The following ETV5 variants were observed in gnomAD, a reference collection of about 807,000 sequenced individuals.
The protein encoded by ETV5 is ETS variant transcription factor 5.
Under a neutral mutation model 70.0 loss-of-function variants are expected in ETV5, and 10 were observed. The ratio of observed to expected loss-of-function variants is 0.14; its 90% CI spans 0.09 to 0.24. The LOEUF (loss-of-function observed/expected upper bound fraction) is 0.24, where lower values mean the gene tolerates loss of function less well. Among genes scored for constraint, ETV5 ranks in the 10% least tolerant of loss-of-function variants. ETV5 has a pLI of 1.00. For missense variants in ETV5, 453 were observed against 651.2 expected (o/e 0.70, Z 3.31); for synonymous variants, 216 against 242.2 (o/e 0.89, Z 1.01).
At position 186,046,804 on chromosome 3, in the gene ETV5, AAG is replaced by A. The variant is rs1712890361; in HGVS notation, c.*1833_*1834del. ...TCTATGTATAGACTATGTGTAGGTT[AAG>A]AAAGCTATAAATATGGTTTAGAAAG... is the stretch of plus-strand genomic sequence containing the variant. On this transcript the variant is annotated 3_prime_UTR_variant, in exon 13 of 13. Coordinates refer to ENST00000306376, the MANE Select transcript of ETV5 (RefSeq NM_004454.3). 2 of 232,634 alleles carry A rather than the reference AAG, an allele frequency of 8.6e-6. No individual in the cohort carries two copies. Among genetic ancestry groups the A allele is most frequent in the Non-Finnish European group, 1.7e-5 (2 of 117,430 alleles). 14.4% of individuals were successfully genotyped at this position (232,634 alleles called of 1,614,324 possible). A position where few individuals can be genotyped will look rare whatever the true frequency, so the allele number is the denominator to read the frequency against.
intron 9 of ETV5, among the ~76,000 whole-genome samples, chr3:186,059,034 AAAT>A (rs1713241031): frequency 6.6e-6 from 1 of 151,478 alleles, no homozygotes; most frequent in South Asian, 2.1e-4. Flanking sequence ...AATAAAATAA[AAAT>A]AAAAAATAAA....
chr3:186,107,667 C>T (rs537480877), intron 1 of ETV5, among the ~76,000 whole-genome samples: 2 of 152,190 alleles, frequency 1.3e-5, no homozygotes, highest in Non-Finnish European at 2.9e-5. Context: ...TTTGCCCCCC[C>T]ACCACCCGCG....
At chr3:186,085,507 GTTTTT>G (rs550203729) in intron 5 of ETV5, among the ~76,000 whole-genome samples, 2 of 124,878 alleles carry the variant, frequency 1.6e-5, no homozygotes, top group Admixed American at 8.3e-5. Context: ...AGTAGCCTTC[GTTTTT>G]TTTTTTTTTT....
chr3:186,083,027 G>C (rs1560052376), intron 5 of ETV5, among the ~76,000 whole-genome samples: 1 of 152,194 alleles, frequency 6.6e-6, no homozygotes, highest in African/African-American at 2.4e-5. Flanking sequence ...GTGATTTTTT[G>C]ATGGTGACAT....
intron 1 of ETV5, chr3:186,108,510 C>A (rs1275337888): frequency 7.8e-7 from 1 of 1,287,228 alleles, no homozygotes; most frequent in African/African-American, 1.5e-5. Context: ...CTCAGACATT[C>A]CCCTCAAACT....
intron 5 of ETV5, among the ~76,000 whole-genome samples, chr3:186,082,635 G>A (rs1013355154): frequency 2.0e-5 from 3 of 152,050 alleles, no homozygotes; most frequent in African/African-American, 7.2e-5. Flanking sequence ...TGGCCAGGCT[G>A]GTCTCGAACT....
rs1352985283 is a variant in ETV5, at chr3:186,079,813, C to T, written c.650+4G>A. On this transcript the variant is annotated splice_donor_region_variant and intron_variant, in intron 7 of 12. Transcript: ENST00000306376. ...TTAAGGAAGAAGCCCAGATCAACAC[C>T]CACCTCTGTTCTGATGGATACTGGT... 2 of 1,597,220 alleles carry T rather than the reference C, an allele frequency of 1.3e-6. No individual in the cohort carries two copies. The highest frequency in any genetic ancestry group is 1.4e-5 in the African/African-American group (1 of 73,990).
intron 5 of ETV5, among the ~76,000 whole-genome samples, chr3:186,095,603 T>C (rs1326224185): frequency 1.3e-5 from 2 of 152,222 alleles, no homozygotes; most frequent in African/African-American, 4.8e-5. Context: ...ACTCAGCAAG[T>C]ACGTCAAGGG....
Position 186,105,273 on chromosome 3 carries a change from A to G in ETV5, c.232+32T>C, listed in dbSNP as rs1230937229. On this transcript the variant is annotated intron_variant, in intron 5 of 12. Coordinates refer to ENST00000306376, the MANE Select transcript of ETV5 (RefSeq NM_004454.3). This position sits in a 1 kb window ranked among gnomAD's most constrained non-coding sequence, Gnocchi z 4.5. ...ATGATCTAAGACCAAACAATTTCAG[A>G]ACAAATGTGCCATCACCAGAAAGGT... 9 of 1,594,702 alleles carry G rather than the reference A, an allele frequency of 5.6e-6. No homozygotes were observed. The highest frequency in any genetic ancestry group is 1.4e-5 in the African/African-American group (1 of 73,946).
intron 6 of ETV5, 42 bp downstream of exon 6, chr3:186,081,004 C>T (rs553292854): frequency 6.4e-7 from 1 of 1,571,086 alleles, no homozygotes; most frequent in Non-Finnish European, 8.7e-7. Context: ...ACTTCCAGAG[C>T]CTTTCTGGGC....
Position 186,046,826 on chromosome 3 carries a change from A to T in ETV5, c.*1813T>A. The T allele has an allele frequency of 4.3e-6, 1 of 232,478 alleles. No individual in the cohort carries two copies. The highest frequency in any genetic ancestry group is 8.5e-6 in the Non-Finnish European group (1 of 117,260). 14.4% of individuals were successfully genotyped at this position (232,478 alleles called of 1,614,324 possible). A position where few individuals can be genotyped will look rare whatever the true frequency, so the allele number is the denominator to read the frequency against. ...GTTAAGAAAGCTATAAATATGGTTT[A>T]GAAAGAGTCCTTTGATTAGAGTACA... is the stretch of plus-strand genomic sequence containing the variant. On this transcript the variant is annotated 3_prime_UTR_variant, in exon 13 of 13. Coordinates refer to ENST00000306376, the MANE Select transcript of ETV5 (RefSeq NM_004454.3).
rs550800154 is a variant in ETV5 at position 186,054,477 on chromosome 3, C to A, written c.1210-2346G>T. Among the ~76,000 whole-genome samples the A allele has an allele frequency of 6.4e-4, 98 of 152,230 alleles. 1 individual carries two copies. The highest frequency in any genetic ancestry group is 2.3e-3 in the African/African-American group (94 of 41,548). On this transcript the variant is annotated intron_variant, in intron 11 of 12. Transcript: ENST00000306376. The surrounding 1 kb of genome is among the most constrained non-coding windows in gnomAD (Gnocchi z 4.4). ...CTACCCCCCAAAATATTCATTAATG[C>A]AGATTCACAGTTAAAATGGCTCCAG...
chr3:186,064,083 G>A, intron 9 of ETV5: 1 of 252,956 alleles, frequency 4.0e-6, no homozygotes. Context: ...GAAATAAGGT[G>A]GGTTTGTTTT....
intron 7 of ETV5, among the ~76,000 whole-genome samples, chr3:186,075,492 C>A (rs1300968789): frequency 1.3e-5 from 2 of 152,180 alleles, no homozygotes; most frequent in Non-Finnish European, 2.9e-5. Context: ...TATATAAAAT[C>A]TCTTAATTTA....
chr3:186,067,605 G>C (rs984490404), intron 7 of ETV5, among the ~76,000 whole-genome samples: 1 of 148,702 alleles, frequency 6.7e-6, no homozygotes, highest in Admixed American at 6.7e-5. Flanking sequence ...GAGCAAGACT[G>C]TCTCAAAAAA....
chr3:186,056,332 G>A (rs924815258), intron 11 of ETV5, among the ~76,000 whole-genome samples: 3 of 151,884 alleles, frequency 2.0e-5, no homozygotes, highest in Non-Finnish European at 2.9e-5. Context: ...AGGCTCAATC[G>A]ATCCTCCCTG....
chr3:186,071,943 G>A (rs961997005), intron 7 of ETV5, among the ~76,000 whole-genome samples: 2 of 151,662 alleles, frequency 1.3e-5, no homozygotes, highest in Non-Finnish European at 2.9e-5. Context: ...GATTACAGGT[G>A]CCTGCCACCA....
In ETV5 at chr3:186,057,341, ACTTGGGAAGAGAGT is replaced by A. The variant is rs1196316275; in HGVS notation, c.1039+68_1039+81del. ...TTGTTCATGCTGATTTAATCACTGGACTTGGGAAGAGAGTCATGGCTGAGGTGTTCTGACACCTC... is the reference window on the plus strand; with the variant it reads ...TTGTTCATGCTGATTTAATCACTGGACATGGCTGAGGTGTTCTGACACCTC... On this transcript the variant is annotated intron_variant, in intron 10 of 12. Transcript: ENST00000306376. The surrounding 1 kb of genome is among the most constrained non-coding windows in gnomAD (Gnocchi z 4.9). The A allele has an allele frequency of 6.2e-7, 1 of 1,605,522 alleles. No individual in the cohort carries two copies. The highest frequency in any genetic ancestry group is 1.3e-5 in the African/African-American group (1 of 74,630).
chr3:186,073,081 G>A (rs1389946575), intron 7 of ETV5, among the ~76,000 whole-genome samples: 4 of 152,026 alleles, frequency 2.6e-5, no homozygotes, highest in African/African-American at 4.8e-5. Context: ...TTAGTAAGCC[G>A]AGACTGCACC....
Sources: gnomAD v4.1 joint callset for allele counts (sites outside exome capture counted in the v4.1 genomes callset) on GRCh38, gnomAD v4.1.1 for gene constraint, Gnocchi (gnomAD v3.1) non-coding constraint, MANE v1.5 for transcripts, NCBI Gene and HGNC (gene_info 2026-07-23, HGNC 2026-07-21) for gene names.